The following HERC2 variants were observed in gnomAD, a reference collection of about 807,000 sequenced individuals.
The protein encoded by HERC2 is HECT and RLD domain containing E3 ubiquitin protein ligase 2.
Under a neutral mutation model 537.7 loss-of-function variants are expected in HERC2, and 102 were observed. The ratio of observed to expected loss-of-function variants is 0.19; its 90% CI spans 0.16 to 0.22. HERC2 has a LOEUF of 0.22. Among genes scored for constraint, HERC2 ranks in the 10% least tolerant of loss-of-function variants. The probability of loss-of-function intolerance (pLI) is 1.00; values close to 1 mark genes in which losing one functional copy is unlikely to be tolerated. For missense variants in HERC2, 4,236 were observed against 6,198.2 expected (o/e 0.68, Z 10.63); for synonymous variants, 2,224 against 2,466.2 (o/e 0.90, Z 2.91).
intron 44 of HERC2, among the ~76,000 whole-genome samples, chr15:28,207,883 G>A (rs574850283): frequency 1.3e-5 from 2 of 151,882 alleles, no homozygotes; most frequent in African/African-American, 4.9e-5. Flanking sequence ...CAGAGACGAT[G>A]TGTAAACAAG....
rs199632947 is a variant in HERC2, at chr15:28,192,635, G to A, written c.8261-484C>T. ...CTCTTCGAACTATCAGAATTCAGGA[G>A]AAAATAAAGAATTACAAGGTCAGAA... On this transcript the variant is annotated intron_variant, in intron 52 of 92. Coordinates refer to ENST00000261609, the MANE Select transcript of HERC2 (RefSeq NM_004667.6). Among the ~76,000 whole-genome samples, 3 of 152,166 alleles carry A rather than the reference G, an allele frequency of 2.0e-5. No homozygotes were observed. In the East Asian group the frequency reaches 5.8e-4, roughly 29 times the overall value.
In HERC2 at chr15:28,218,606, G is replaced by T. The variant is rs144780847; in HGVS notation, c.5911C>A (p.Leu1971Met). 8.8e-6 allele frequency: 14 copies of T among 1,593,256 alleles called. No individual in the cohort carries two copies. In the African/African-American group the frequency reaches 1.6e-4, roughly 18 times the overall value. Residue 1971 changes from leucine to methionine, a missense_variant, in exon 38 of 93, where the codon CTG becomes ATG. Around this residue, in one of 27 missense-constraint regions of HERC2, gnomAD observed 365 missense variants for 468.8 expected, o/e 0.78. Transcript: ENST00000261609. Reference sequence around the variant, plus strand: ...CCAGCAGACAGACAAAGAGTCTGCAGTAAGTTAATAGTGCTGGTAAACATC... The same window carrying T: ...CCAGCAGACAGACAAAGAGTCTGCATTAAGTTAATAGTGCTGGTAAACATC... ...AMMFTSTINL[L>M]QTLCLSAGVH...
chr15:28,157,544 A>G (rs1471122771), intron 69 of HERC2, among the ~76,000 whole-genome samples: 1 of 152,172 alleles, frequency 6.6e-6, no homozygotes, highest in African/African-American at 2.4e-5. Flanking sequence ...AGGTGTTTGT[A>G]GTATTCTCTG....
chr15:28,272,242 A>C lies in HERC2; in HGVS notation c.1056T>G (p.Asp352Glu). Residue 352 changes from aspartate (D) to glutamate (E), a missense_variant, in exon 9 of 93, where the codon GAT (aspartate) becomes GAG (glutamate). Physicochemically the swap from Asp to Glu is conservative, Grantham distance 45. This residue lies in a region of HERC2 where 491 missense variants were observed against 559.3 expected (regional missense o/e 0.88). Coordinates refer to ENST00000261609, the MANE Select transcript of HERC2 (RefSeq NM_004667.6). ...QRFQSIICRK[D>E]APHSEGDMHL... ...GCATGTCGCCCTCGGAGTGGGGTGCATCCTTCCTGCAAATGATGCTCTGGA... is the reference window on the plus strand; with the variant it reads ...GCATGTCGCCCTCGGAGTGGGGTGCCTCCTTCCTGCAAATGATGCTCTGGA... 1 of 1,610,192 alleles carries C rather than the reference A, an allele frequency of 6.2e-7. No homozygotes were observed. Among genetic ancestry groups the C allele is most frequent in the South Asian group, 1.1e-5 (1 of 90,020 alleles).
At chr15:28,230,854 G>A (rs1901758181) in intron 30 of HERC2, among the ~76,000 whole-genome samples, 2 of 152,112 alleles carry the variant, frequency 1.3e-5, no homozygotes, top group Middle Eastern at 3.4e-3. Flanking sequence ...AAAGCAACAG[G>A]TGTGGCTGTG....
chr15:28,321,568 G>A (rs1271554959), intron 1 of HERC2, 104 bp from the exon 2 acceptor site: 1 of 524,108 alleles, frequency 1.9e-6, no homozygotes, highest in Non-Finnish European at 3.2e-6. Context: ...AGAAAGGGGG[G>A]AGAGAAGAGC....
chr15:28,216,338 G>C (rs534212162), intron 38 of HERC2, among the ~76,000 whole-genome samples: 39 of 150,012 alleles, frequency 2.6e-4, no homozygotes, highest in African/African-American at 9.6e-4. Context: ...ATTTTTAGTA[G>C]AGACAGTTTC....
chr15:28,281,983 C>A (rs758437597), intron 4 of HERC2, among the ~76,000 whole-genome samples: 2 of 152,232 alleles, frequency 1.3e-5, no homozygotes, highest in Non-Finnish European at 2.9e-5. Flanking sequence ...TTCTCCCTGA[C>A]ACCCTCCTGC....
At chr15:28,186,541 G>A (rs1896326014) in intron 56 of HERC2, 36 bp downstream of exon 56, 3 of 1,562,286 alleles carry the variant, frequency 1.9e-6, no homozygotes, top group East Asian at 2.3e-5. Flanking sequence ...GAATGTAGCG[G>A]GAGGTAAGTG....
chr15:28,147,802 C>T (rs1891920855), intron 70 of HERC2, among the ~76,000 whole-genome samples: 1 of 151,934 alleles, frequency 6.6e-6, no homozygotes, highest in African/African-American at 2.4e-5. Context: ...TTGGGAGGCC[C>T]AGCTGGGAGG....
At chr15:28,219,707 G>A (rs1396535966) in intron 37 of HERC2, among the ~76,000 whole-genome samples, 4 of 152,124 alleles carry the variant, frequency 2.6e-5, no homozygotes, top group African/African-American at 9.7e-5. Context: ...CTAAGATCTC[G>A]TGCTCACTGA....
Position 28,229,596 on chromosome 15 carries a change from A to G in HERC2, c.4984T>C (p.Leu1662=). Residue 1662 remains leucine, a splice_region_variant and synonymous_variant, in exon 33 of 93, where the codon TTG becomes CTG. Coordinates refer to ENST00000261609, the MANE Select transcript of HERC2 (RefSeq NM_004667.6). ...EKMRKCLLKQ[L]ERAEVRLEGI... is the part of the protein sequence containing the mutation. ...TCCAGGCGAACCTCTGCTCTCTCCA[A>G]CTGCAAAATATCAATGCATACAGTT... 2 of 1,610,956 alleles carry G rather than the reference A, an allele frequency of 1.2e-6. No homozygotes were observed. Among genetic ancestry groups the G allele is most frequent in the East Asian group, 2.2e-5 (1 of 44,870 alleles).
At chr15:28,308,415 T>C (rs1275763365) in intron 2 of HERC2, among the ~76,000 whole-genome samples, 3 of 152,250 alleles carry the variant, frequency 2.0e-5, no homozygotes, top group South Asian at 4.1e-4. Flanking sequence ...TATACTGCAA[T>C]TGTATTGAAT....
chr15:28,149,459 A>G (rs767726853), intron 70 of HERC2, among the ~76,000 whole-genome samples: 17 of 151,784 alleles, frequency 1.1e-4, no homozygotes, highest in Non-Finnish European at 2.2e-4. Flanking sequence ...CTAACCGAGA[A>G]CGTCACCGAG....
Position 28,254,351 on chromosome 15 carries a change from T to C in HERC2, c.3039A>G (p.Gln1013=), listed in dbSNP as rs373912015. ...CTACTACGATTTACCTAAGAAGCTG[T>C]TGTATGAGCTGAACCAGAGGCAAAC... is the stretch of plus-strand genomic sequence containing the variant. The part of the protein sequence containing the change: ...KQCLPLVQLI[Q]QLLRNIASQT... The change falls in exon 20 of 93, where the codon CAA becomes CAG. Residue 1013 remains glutamine (Q), a synonymous_variant. Coordinates refer to ENST00000261609, the MANE Select transcript of HERC2 (RefSeq NM_004667.6). 1.3e-6 allele frequency: 2 copies of C among 1,588,390 alleles called. No individual in the cohort carries two copies. Among genetic ancestry groups the C allele is most frequent in the Non-Finnish European group, 1.7e-6 (2 of 1,169,156 alleles).
At chr15:28,117,287 T>C (rs754558049) in intron 86 of HERC2, 133 bp from the exon 87 acceptor site, 1 of 917,102 alleles carries the variant, frequency 1.1e-6, no homozygotes, top group Non-Finnish European at 1.7e-6. Flanking sequence ...CACACCTGCT[T>C]GTGTGGACGC....
In HERC2 at chr15:28,274,375, G is replaced by A. The variant is rs551301503; in HGVS notation, c.716C>T (p.Ser239Leu). The A allele has an allele frequency of 4.3e-6, 7 of 1,614,130 alleles. No individual in the cohort carries two copies. The South Asian group carries it at 5.5e-5, about 13-fold the overall frequency. ...LDALRALPEASLFDESTVSSV... is the reference protein window; with the variant it reads ...LDALRALPEALLFDESTVSSV... ...GGACACGGTGCTCTCGTCAAAGAGC[G>A]AGGCCTCGGGAAGTGCTCGCAGGGC... Residue 239 changes from serine to leucine, a missense_variant, in exon 7 of 93, where the codon TCG becomes TTG. Around this residue, in one of 27 missense-constraint regions of HERC2, gnomAD observed 491 missense variants for 559.3 expected, o/e 0.88. Transcript: ENST00000261609.
At chr15:28,231,417 G>C (rs1429327004) in intron 30 of HERC2, among the ~76,000 whole-genome samples, 3 of 152,126 alleles carry the variant, frequency 2.0e-5, no homozygotes, top group Admixed American at 6.5e-5. Flanking sequence ...TGGGACTTGC[G>C]AGGGACCACT....
chr15:28,114,259 C>A (rs1425811082), intron 90 of HERC2, among the ~76,000 whole-genome samples: 1 of 152,206 alleles, frequency 6.6e-6, no homozygotes, highest in Admixed American at 6.5e-5. Flanking sequence ...AAAGGCTGCT[C>A]TGTGTCACTC....
Sources: gnomAD v4.1 joint callset for allele counts (sites outside exome capture counted in the v4.1 genomes callset) on GRCh38, gnomAD v4.1.1 for gene constraint, gnomAD v4.1.1 regional missense constraint, MANE v1.5 for transcripts, NCBI Gene and HGNC (gene_info 2026-07-23, HGNC 2026-07-21) for gene names.